ELMO1: variants seen among roughly 807,000 people sequenced by gnomAD.
ELMO1 encodes engulfment and cell motility protein 1.
Under a neutral mutation model 98.9 loss-of-function variants are expected in ELMO1, and 26 were observed. The ratio of observed to expected loss-of-function variants is 0.26; its 90% confidence interval spans 0.19 to 0.36. The LOEUF (loss-of-function observed/expected upper bound fraction) is 0.36. ELMO1 is among the 10% of genes least tolerant of loss of function. The pLI is 1.00. For synonymous variants in ELMO1, 346 were observed against 346.0 expected (o/e 1.00, Z 0.00); for missense variants, 627 against 935.2 (o/e 0.67, Z 4.30).
intron 16 of ELMO1, among the ~76,000 whole-genome samples, chr7:36,898,866 C>T (rs1806258088): frequency 6.6e-6 from 1 of 152,208 alleles, no homozygotes; most frequent in Non-Finnish European, 1.5e-5. Flanking sequence ...CACATACTTG[C>T]CTCACCCAAG....
At chr7:36,977,894 A>G (rs567166162) in intron 16 of ELMO1, among the ~76,000 whole-genome samples, 1 of 152,370 alleles carries the variant, frequency 6.6e-6, no homozygotes, top group East Asian at 1.9e-4. Context: ...TAGTGAATAC[A>G]TAAATAAATG....
intron 2 of ELMO1, among the ~76,000 whole-genome samples, chr7:37,335,835 G>A (rs1435327177): frequency 1.3e-5 from 2 of 152,110 alleles, no homozygotes; most frequent in African/African-American, 4.8e-5. Flanking sequence ...GGATCCCCTC[G>A]CCTGATGAGA....
chr7:37,125,424 T>C (rs1392213176), intron 14 of ELMO1, among the ~76,000 whole-genome samples: 1 of 151,984 alleles, frequency 6.6e-6, no homozygotes, highest in African/African-American at 2.4e-5. Flanking sequence ...TACAAAGAAC[T>C]CAAACAAATT....
intron 13 of ELMO1, among the ~76,000 whole-genome samples, chr7:37,208,793 C>T (rs1316146396): frequency 2.6e-5 from 4 of 152,138 alleles, no homozygotes; most frequent in East Asian, 1.9e-4. Context: ...ACTAAATAGT[C>T]GTTCCAACTT....
At chr7:37,420,000 G>A (rs935521549) in intron 1 of ELMO1, among the ~76,000 whole-genome samples, 5 of 152,150 alleles carry the variant, frequency 3.3e-5, no homozygotes, top group African/African-American at 1.2e-4. Context: ...CCATTGCATG[G>A]TGATATAATT....
intron 2 of ELMO1, among the ~76,000 whole-genome samples, chr7:37,318,454 C>T (rs1799321431): frequency 6.6e-6 from 1 of 152,188 alleles, no homozygotes; most frequent in Admixed American, 6.5e-5. Context: ...AAAGCAACTG[C>T]TCCCAGATTT....
intron 4 of ELMO1, among the ~76,000 whole-genome samples, chr7:37,288,789 C>G (rs1797530661): frequency 1.3e-5 from 2 of 152,338 alleles, no homozygotes; most frequent in East Asian, 3.9e-4. Context: ...ACCATGTACA[C>G]CCACATGTAG....
At chr7:37,000,866 G>C (rs1022392540) in intron 16 of ELMO1, among the ~76,000 whole-genome samples, 5 of 151,644 alleles carry the variant, frequency 3.3e-5, no homozygotes, top group Non-Finnish European at 7.4e-5. Context: ...GCAGGCTTAA[G>C]GGCAATATAA....
chr7:37,333,095 C>T (rs1392557400), intron 2 of ELMO1, among the ~76,000 whole-genome samples: 1 of 152,162 alleles, frequency 6.6e-6, no homozygotes, highest in African/African-American at 2.4e-5. Context: ...AAGCTAGGAA[C>T]AAGAAACTAG....
At chr7:37,275,105 T>C (rs1416044420) in intron 4 of ELMO1, among the ~76,000 whole-genome samples, 2 of 152,228 alleles carry the variant, frequency 1.3e-5, no homozygotes, top group Admixed American at 6.5e-5. Context: ...ACAAATGCTG[T>C]GCTCTGTCTG....
rs1796762503 is a variant in ELMO1 at position 37,063,260 on chromosome 7, A to G, written c.1300+33359T>C. Among the ~76,000 whole-genome samples, 3 of 152,300 alleles carry G rather than the reference A, an allele frequency of 2.0e-5. No individual in the cohort carries two copies. In the South Asian group the frequency reaches 6.2e-4, roughly 32 times the overall value. ...CTACACCTGGACCAAGTATGACTGTATTACCTGAGGAGGGCTGTAGGTTGT... is the reference window on the plus strand; with the variant it reads ...CTACACCTGGACCAAGTATGACTGTGTTACCTGAGGAGGGCTGTAGGTTGT... On this transcript the variant is annotated intron_variant, in intron 15 of 21. Coordinates refer to ENST00000310758, the MANE Select transcript of ELMO1 (RefSeq NM_014800.11).
intron 1 of ELMO1, among the ~76,000 whole-genome samples, chr7:37,358,983 C>T (rs1801596118): frequency 6.6e-6 from 1 of 152,140 alleles, no homozygotes; most frequent in African/African-American, 2.4e-5. Context: ...AATAGACAAA[C>T]AGGGAGAAGC....
At chr7:37,391,793 G>C (rs1803090105) in intron 1 of ELMO1, among the ~76,000 whole-genome samples, 1 of 152,188 alleles carries the variant, frequency 6.6e-6, no homozygotes, top group Non-Finnish European at 1.5e-5. Context: ...GGGAAGAGCT[G>C]GCTTTTATAC....
chr7:37,133,649 C>T (rs1424372160), intron 13 of ELMO1, among the ~76,000 whole-genome samples: 2 of 152,170 alleles, frequency 1.3e-5, no homozygotes, highest in Non-Finnish European at 2.9e-5. Context: ...AAACCACGAC[C>T]TACCCACACC....
chr7:36,876,951 T>C (rs556956019), intron 19 of ELMO1, among the ~76,000 whole-genome samples: 1 of 152,358 alleles, frequency 6.6e-6, no homozygotes, highest in South Asian at 2.1e-4. Context: ...AAGACCAGAC[T>C]GTCCCATTTT....
intron 6 of ELMO1, among the ~76,000 whole-genome samples, chr7:37,250,964 G>T (rs1019482509): frequency 6.6e-5 from 10 of 152,074 alleles, no homozygotes; most frequent in African/African-American, 2.4e-4. Context: ...TAAGTACCCT[G>T]CCCTTTCATT....
At chr7:37,230,373 G>A (rs1465116393) in intron 8 of ELMO1, among the ~76,000 whole-genome samples, 1 of 152,212 alleles carries the variant, frequency 6.6e-6, no homozygotes, top group Non-Finnish European at 1.5e-5. Context: ...GGAGGAATAT[G>A]TAAGAGACAG....
chr7:36,987,712 C>T lies in ELMO1; in HGVS notation c.1437+25587G>A, dbSNP rs117178896. Among the ~76,000 whole-genome samples the T allele has an allele frequency of 1.4e-3, 213 of 152,300 alleles. 5 individuals are homozygous for T. In the East Asian group the frequency reaches 0.032, roughly 23 times the overall value. On this transcript the variant is annotated intron_variant, in intron 16 of 21. Transcript: ENST00000310758. Reference sequence around the variant, plus strand: ...ACAGTCGCCCTCAGCCTCCTTTCTTCCTAAATGAAGCTCAGTATAAACCCC... The same window carrying T: ...ACAGTCGCCCTCAGCCTCCTTTCTTTCTAAATGAAGCTCAGTATAAACCCC...
intron 4 of ELMO1, among the ~76,000 whole-genome samples, chr7:37,295,790 G>A (rs1474840992): frequency 6.6e-6 from 1 of 152,080 alleles, no homozygotes; most frequent in Non-Finnish European, 1.5e-5. Context: ...TTTGAGCTTA[G>A]GTTTGTCAAT....
Sources: gnomAD v4.1 joint callset for allele counts (sites outside exome capture counted in the v4.1 genomes callset) on GRCh38, gnomAD v4.1.1 for gene constraint, MANE v1.5 for transcripts, NCBI Gene and HGNC (gene_info 2026-07-23, HGNC 2026-07-21) for gene names.